JAK2: variants seen among roughly 807,000 people sequenced by gnomAD.
The protein encoded by JAK2 is Janus kinase 2, also known as tyrosine-protein kinase JAK2.
In JAK2, 86 loss-of-function variants were observed where a neutral mutation model predicts 139.3. The observed-to-expected ratio is 0.62, with a 90% confidence interval of 0.52 to 0.74. JAK2 has a LOEUF of 0.74. Among genes scored for constraint, JAK2 ranks in the 30% least tolerant of loss-of-function variants. The pLI is 0.00. For missense variants in JAK2, 1,421 were observed against 1,360.3 expected (o/e 1.04, Z -0.70); for synonymous variants, 490 against 437.7 (o/e 1.12, Z -1.49).
intron 4 of JAK2, 56 bp from the exon 5 acceptor site, chr9:5,044,347 G>A: frequency 9.6e-7 from 1 of 1,043,468 alleles, no homozygotes; most frequent in Non-Finnish European, 1.5e-6. Context: ...TATATAGATA[G>A]TACGTTTGTA....
At chr9:5,093,508 T>TA in intron 22 of JAK2, among the ~76,000 whole-genome samples, 1 of 152,224 alleles carries the variant, frequency 6.6e-6, no homozygotes, top group Non-Finnish European at 1.5e-5. Context: ...GAGGAGCTTA[T>TA]AAGCAAATAA....
intron 3 of JAK2, among the ~76,000 whole-genome samples, chr9:5,023,000 T>C (rs1309687007): frequency 6.7e-6 from 1 of 149,686 alleles, no homozygotes; most frequent in Non-Finnish European, 1.5e-5. Context: ...TAACTGTAAG[T>C]TGGAGGAAGC....
intron 20 of JAK2, 67 bp downstream of exon 20, chr9:5,089,930 G>A (rs1432822852): frequency 9.0e-7 from 1 of 1,111,496 alleles, no homozygotes; most frequent in Non-Finnish European, 1.2e-6. Context: ...TAATATAAAT[G>A]TACAATGTCT....
intron 8 of JAK2, among the ~76,000 whole-genome samples, chr9:5,057,150 A>T (rs1161911387): frequency 6.6e-6 from 1 of 152,074 alleles, no homozygotes; most frequent in African/African-American, 2.4e-5. Flanking sequence ...TGATCATTTT[A>T]TTCATATTGA....
Position 5,126,445 on chromosome 9 carries a change from A to C in JAK2, c.3290A>C (p.Glu1097Ala). 4 of 1,590,776 alleles carry C rather than the reference A, an allele frequency of 2.5e-6. No individual in the cohort carries two copies. In the South Asian group the frequency reaches 4.5e-5, roughly 18 times the overall value. ...RLPRPDGCPD[E>A]IYMIMTECWN... is the part of the protein sequence containing the mutation. ...CCAAGACCAGATGGATGCCCAGATG[A>C]GGTAACAATTTTTTTTTAATCCAGG... The change falls in exon 24 of 25, where the codon GAG becomes GCG. Residue 1097 changes from glutamate (E) to alanine (A), a missense_variant and splice_region_variant. Physicochemically the swap from Glu to Ala is moderately radical, Grantham distance 107. Transcript: ENST00000381652.
intron 22 of JAK2, chr9:5,099,205 A>G (rs1448285658): frequency 6.6e-6 from 1 of 152,136 alleles, no homozygotes; most frequent in Non-Finnish European, 1.5e-5. Flanking sequence ...TACCTTAACC[A>G]CTGGGCGACC....
At chr9:5,099,716 TA>T (rs796789020) in intron 22 of JAK2, 8 of 152,316 alleles carry the variant, frequency 5.3e-5, no homozygotes, top group African/African-American at 1.9e-4. Flanking sequence ...CAACCTGCAC[TA>T]AAACAGATAA....
chr9:5,030,873 GAA>G (rs1389017583), intron 4 of JAK2, among the ~76,000 whole-genome samples: 6 of 151,702 alleles, frequency 4.0e-5, no homozygotes, highest in African/African-American at 1.2e-4. Context: ...TATAATTATT[GAA>G]AAGACAATTG....
chr9:5,015,908 T>TA (rs1449820518), intron 2 of JAK2, among the ~76,000 whole-genome samples: 2 of 151,156 alleles, frequency 1.3e-5, no homozygotes, highest in East Asian at 3.9e-4. Flanking sequence ...GAGTAAAAAA[T>TA]ATCCTGAATA....
At chr9:5,077,736 A>C (rs1246910056) in intron 15 of JAK2, among the ~76,000 whole-genome samples, 156 bp downstream of exon 15, 3 of 152,228 alleles carry the variant, frequency 2.0e-5, no homozygotes, top group Non-Finnish European at 2.9e-5. Flanking sequence ...TACTTTAGGC[A>C]TATGTTTATG....
chr9:5,077,407 A>G (rs747512898), intron 14 of JAK2, 46 bp from the exon 15 acceptor site: 1 of 655,588 alleles, frequency 1.5e-6, no homozygotes, highest in South Asian at 5.9e-5. Flanking sequence ...ATATTTAATT[A>G]TATTTATACT....
At chr9:5,110,953 A>G (rs894508024) in intron 22 of JAK2, 39 of 592,598 alleles carry the variant, frequency 6.6e-5, no homozygotes, top group Middle Eastern at 4.6e-4. Flanking sequence ...GGACACGGAC[A>G]AGGAGCTCAG....
chr9:5,110,803 T>C, intron 22 of JAK2: 1 of 421,342 alleles, frequency 2.4e-6, no homozygotes, highest in Non-Finnish European at 4.6e-6. Context: ...GCGCGACGCC[T>C]GGGGGCCCTG....
chr9:5,097,471 A>C (rs1314386848), intron 22 of JAK2: 1 of 152,210 alleles, frequency 6.6e-6, no homozygotes, highest in Non-Finnish European at 1.5e-5. Flanking sequence ...GTATATGGGC[A>C]TAGTATGAGC....
In JAK2 at chr9:4,997,062, G is replaced by A. The variant is rs1171432802; in HGVS notation, c.-26+11040G>A. ...TCCTACCTCAGCCTCCTGAGTAGCT[G>A]GCACTGCAGGCGAGTGCCACTAGGC... On this transcript the variant is annotated intron_variant, in intron 2 of 24. Coordinates refer to ENST00000381652, the MANE Select transcript of JAK2 (RefSeq NM_004972.4). Among the ~76,000 whole-genome samples, 6 of 151,166 alleles carry A rather than the reference G, an allele frequency of 4.0e-5. No individual in the cohort carries two copies. The South Asian group carries it at 1.3e-3, about 32-fold the overall frequency.
At chr9:5,093,557 A>G (rs189937696) in intron 22 of JAK2, among the ~76,000 whole-genome samples, 333 of 152,316 alleles carry the variant, frequency 2.2e-3, no homozygotes, top group African/African-American at 7.8e-3. Flanking sequence ...CATTAATGCA[A>G]ATAAAAACTC....
rs531092648 is a variant in JAK2 at position 5,112,712 on chromosome 9, C to T, written c.3060-10292C>T. 54 of 829,084 alleles carry T rather than the reference C, an allele frequency of 6.5e-5. No individual in the cohort carries two copies. The East Asian group carries it at 1.3e-3, about 19-fold the overall frequency. The allele number at this position is 829,084 out of a possible 1,614,324, so 51.4% of individuals were successfully genotyped here. On this transcript the variant is annotated intron_variant, in intron 22 of 24. Transcript: ENST00000381652. ...GAATTTGGAGCAGCAAGTGCGAGAG[C>T]GGAACCTGAATCCCAAAACAGCCTG... is the stretch of plus-strand genomic sequence containing the variant.
At position 5,074,420 on chromosome 9, in the gene JAK2, A is replaced by T. The variant is rs150882650; in HGVS notation, c.1864+635A>T. Among the ~76,000 whole-genome samples, 23 of 152,178 alleles carry T rather than the reference A, an allele frequency of 1.5e-4. No homozygotes were observed. In the East Asian group the frequency reaches 3.7e-3, roughly 24 times the overall value. On this transcript the variant is annotated intron_variant, in intron 14 of 24. Coordinates refer to ENST00000381652, the MANE Select transcript of JAK2 (RefSeq NM_004972.4). ...TTTCCCAACAGCATGTGCTCATTTC[A>T]TGTCTCTGTGTCATATTTTGGTAAT... is the stretch of plus-strand genomic sequence containing the variant.
chr9:5,129,089 T>G lies in JAK2; in HGVS notation c.*2298T>G, dbSNP rs1255479235. ...AAGGCTTCTAGTTTACAGTCAAGTG[T>G]AATTTTCATCACAACTATAACTTCT... is the stretch of plus-strand genomic sequence containing the variant. On this transcript the variant is annotated 3_prime_UTR_variant, in exon 25 of 25. Coordinates refer to ENST00000381652, the MANE Select transcript of JAK2 (RefSeq NM_004972.4). 6.6e-6 allele frequency among the ~76,000 whole-genome samples: 1 copy of G among 152,046 alleles called. No homozygotes were observed. The highest frequency in any genetic ancestry group is 1.5e-5 in the Non-Finnish European group (1 of 67,926).
Sources: gnomAD v4.1 joint callset for allele counts (sites outside exome capture counted in the v4.1 genomes callset) on GRCh38, gnomAD v4.1.1 for gene constraint, MANE v1.5 for transcripts, NCBI Gene and HGNC (gene_info 2026-07-23, HGNC 2026-07-21) for gene names.